The following PPP1R13B variants were observed in gnomAD, a reference collection of about 807,000 sequenced individuals.
The protein encoded by PPP1R13B is apoptosis-stimulating of p53 protein 1.
PPP1R13B carries 44 observed loss-of-function variants against 119.8 expected under a neutral mutation model. That is an observed-to-expected ratio of 0.37 (90% CI 0.29 to 0.47). The LOEUF is 0.47. Ranked by LOEUF, PPP1R13B falls within the 20% of genes least tolerant of loss-of-function variation. PPP1R13B has a pLI of 0.99. For missense variants in PPP1R13B, 1,227 were observed against 1,413.5 expected, an observed-to-expected ratio of 0.87 and a Z score of 2.12; for synonymous variants, 542 against 561.5, an observed-to-expected ratio of 0.97 and a Z score of 0.49.
intron 3 of PPP1R13B, 117 bp downstream of exon 3, chr14:103,784,678 T>A: frequency 1.1e-6 from 1 of 900,188 alleles, no homozygotes; most frequent in South Asian, 3.5e-5. Context: ...ACTTTCCCTC[T>A]AGCCACTTGT....
Position 103,740,980 on chromosome 14 carries a change from G to A in PPP1R13B, c.1823-387C>T, listed in dbSNP as rs963309174. 6.6e-6 allele frequency among the ~76,000 whole-genome samples: 1 copy of A among 152,206 alleles called. No homozygotes were observed. The highest frequency in any genetic ancestry group is 1.9e-4 in the East Asian group (1 of 5,190). On this transcript the variant is annotated intron_variant, in intron 11 of 16. Coordinates refer to ENST00000202556, the MANE Select transcript of PPP1R13B (RefSeq NM_015316.3). This position sits in a 1 kb window ranked among gnomAD's most constrained non-coding sequence, Gnocchi z 4.6. ...TAACTCACATGACGGAGACACACGCGCCTCCTCAGAGCAGGAAGGTTTTAC... is the reference window on the plus strand; with the variant it reads ...TAACTCACATGACGGAGACACACGCACCTCCTCAGAGCAGGAAGGTTTTAC...
chr14:103,831,472 G>A (rs1242637689), intron 1 of PPP1R13B, among the ~76,000 whole-genome samples: 9 of 150,176 alleles, frequency 6.0e-5, no homozygotes, highest in Non-Finnish European at 4.4e-5. Flanking sequence ...CACCACACCC[G>A]GCTAATTTTT....
intron 4 of PPP1R13B, chr14:103,764,474 T>C (rs893536709): frequency 2.0e-5 from 7 of 352,072 alleles, no homozygotes; most frequent in Middle Eastern, 3.7e-4. Context: ...ATCCCAGATA[T>C]GAGTCCTTTA....
intron 1 of PPP1R13B, among the ~76,000 whole-genome samples, chr14:103,809,484 G>A (rs1409434163): frequency 1.3e-5 from 2 of 152,078 alleles, no homozygotes; most frequent in Non-Finnish European, 2.9e-5. Flanking sequence ...ATATAGAGGT[G>A]ATACAGCTGA....
At chr14:103,837,277 A>G (rs1027732822) in intron 1 of PPP1R13B, among the ~76,000 whole-genome samples, 1 of 152,244 alleles carries the variant, frequency 6.6e-6, no homozygotes, top group Non-Finnish European at 1.5e-5. Flanking sequence ...CACTGAACAT[A>G]GGCAAAAAGT....
At chr14:103,835,062 A>G (rs555627158) in intron 1 of PPP1R13B, among the ~76,000 whole-genome samples, 1 of 152,286 alleles carries the variant, frequency 6.6e-6, no homozygotes, top group East Asian at 1.9e-4. Context: ...GCTAAGAAGA[A>G]GCCTCATGGT....
intron 2 of PPP1R13B, among the ~76,000 whole-genome samples, chr14:103,792,246 G>C (rs1051484145): frequency 4.0e-5 from 6 of 151,024 alleles, no homozygotes. Flanking sequence ...CTGTCACCCA[G>C]GCTGGAGCAC....
chr14:103,774,815 C>A (rs145421929), intron 4 of PPP1R13B, among the ~76,000 whole-genome samples: 1 of 152,226 alleles, frequency 6.6e-6, no homozygotes, highest in East Asian at 1.9e-4. Flanking sequence ...GCTCTGTAGA[C>A]AATAAAGTGT....
chr14:103,846,590 T>C (rs752488473), intron 1 of PPP1R13B, among the ~76,000 whole-genome samples: 2 of 152,100 alleles, frequency 1.3e-5, no homozygotes, highest in Non-Finnish European at 2.9e-5. Flanking sequence ...AAAATCAGAA[T>C]TCAGCATCCC....
chr14:103,841,573 G>A (rs1257852066), intron 1 of PPP1R13B, among the ~76,000 whole-genome samples: 1 of 151,760 alleles, frequency 6.6e-6, no homozygotes, highest in Non-Finnish European at 1.5e-5. Flanking sequence ...CTGGGCAACA[G>A]GTCAACACTC....
rs775061683 is a variant in PPP1R13B at position 103,740,261 on chromosome 14, C to T, written c.2155G>A (p.Gly719Arg). The T allele has an allele frequency of 2.5e-6, 4 of 1,603,974 alleles. No individual in the cohort carries two copies. The highest frequency in any genetic ancestry group is 1.1e-5 in the South Asian group (1 of 90,590). ...TACAGCAGCTTCTGGATGTTGGGCC[C>T]GCCGGGGCCCTCGGGCTCTGTGATG... is the stretch of plus-strand genomic sequence containing the variant. ...SSITEPEGPG[G>R]PNIQKLLYQR... The change falls in exon 12 of 17, where the codon GGG becomes AGG. Residue 719 changes from glycine to arginine, a missense_variant. Coordinates refer to ENST00000202556, the MANE Select transcript of PPP1R13B (RefSeq NM_015316.3). The surrounding 1 kb of genome is among the most constrained non-coding windows in gnomAD (Gnocchi z 4.6).
At chr14:103,789,148 T>C (rs1286668157) in intron 2 of PPP1R13B, among the ~76,000 whole-genome samples, 1 of 152,224 alleles carries the variant, frequency 6.6e-6, no homozygotes, top group Non-Finnish European at 1.5e-5. Flanking sequence ...GCTGACTCCC[T>C]GGCTCTGCTA....
chr14:103,830,761 T>C (rs564424775), intron 1 of PPP1R13B, among the ~76,000 whole-genome samples: 9 of 152,266 alleles, frequency 5.9e-5, no homozygotes, highest in South Asian at 2.1e-4. Flanking sequence ...AAATCTGAAA[T>C]TGTGTTGTGC....
chr14:103,814,155 C>G (rs1020198897), intron 1 of PPP1R13B, among the ~76,000 whole-genome samples: 2 of 152,086 alleles, frequency 1.3e-5, no homozygotes, highest in African/African-American at 4.8e-5. Context: ...TCACGACCAG[C>G]CTGGCCAACA....
At chr14:103,780,073 C>T (rs936642445) in intron 3 of PPP1R13B, among the ~76,000 whole-genome samples, 9 of 151,936 alleles carry the variant, frequency 5.9e-5, no homozygotes, top group East Asian at 1.9e-4. Context: ...TGCTTGAACC[C>T]GGGAGGCGGA....
intron 1 of PPP1R13B, among the ~76,000 whole-genome samples, chr14:103,841,614 AT>A (rs1443507260): frequency 6.6e-6 from 1 of 152,178 alleles, no homozygotes; most frequent in East Asian, 1.9e-4. Context: ...AGAAAAAAAA[AT>A]TTTTTTAAAT....
At chr14:103,755,778 A>G (rs2084663375) in intron 5 of PPP1R13B, among the ~76,000 whole-genome samples, 3 of 152,260 alleles carry the variant, frequency 2.0e-5, no homozygotes, top group Admixed American at 2.0e-4. Flanking sequence ...AATTTTTACA[A>G]TGACATAATA....
At chr14:103,770,984 G>A (rs2085053494) in intron 4 of PPP1R13B, among the ~76,000 whole-genome samples, 1 of 152,184 alleles carries the variant, frequency 6.6e-6, no homozygotes, top group African/African-American at 2.4e-5. Context: ...TCATTCCATT[G>A]TGGAGAGTCC....
intron 1 of PPP1R13B, chr14:103,846,797 G>C: frequency 2.2e-6 from 1 of 458,178 alleles, no homozygotes; most frequent in Non-Finnish European, 4.4e-6. Context: ...TACGGGAAAA[G>C]GGAATTCCTA....
Sources: gnomAD v4.1 joint callset for allele counts (sites outside exome capture counted in the v4.1 genomes callset) on GRCh38, gnomAD v4.1.1 for gene constraint, Gnocchi (gnomAD v3.1) non-coding constraint, MANE v1.5 for transcripts, NCBI Gene and HGNC (gene_info 2026-07-23, HGNC 2026-07-21) for gene names.